The following RLF variants were observed in gnomAD, a reference collection of about 807,000 sequenced individuals.
RLF encodes RLF zinc finger.
Under a neutral mutation model 162.9 loss-of-function variants are expected in RLF, and 7 were observed. The ratio of observed to expected loss-of-function variants is 0.04; its 90% CI spans 0.02 to 0.08. RLF has a LOEUF of 0.08. Ranked by LOEUF, RLF falls within the 10% of genes least tolerant of loss-of-function variation. RLF has a pLI of 1.00. For synonymous variants in RLF, 782 were observed against 791.5 expected (o/e 0.99, Z 0.20); for missense variants, 1,664 against 2,244.7 (o/e 0.74, Z 5.23).
At chr1:40,165,464 C>G (rs189836791) in intron 1 of RLF, among the ~76,000 whole-genome samples, 431 of 152,276 alleles carry the variant, frequency 2.8e-3, no homozygotes, top group African/African-American at 0.01. Context: ...GTGTGGTTCT[C>G]TCATTTTCTG....
Position 40,232,006 on chromosome 1 carries a change from G to A in RLF, c.1089+348G>A, listed in dbSNP as rs559440592. ...GTGGATTACTTGAGCTCAGGAGTTCGAGACCAGCCTGGCCAACCTGGTGAA... is the reference window on the plus strand; with the variant it reads ...GTGGATTACTTGAGCTCAGGAGTTCAAGACCAGCCTGGCCAACCTGGTGAA... On this transcript the variant is annotated intron_variant, in intron 7 of 7. Transcript: ENST00000372771. Among the ~76,000 whole-genome samples, 10 of 152,148 alleles carry A rather than the reference G, an allele frequency of 6.6e-5. No homozygotes were observed. In the South Asian group the frequency reaches 1.2e-3, roughly 19 times the overall value.
chr1:40,178,719 G>A (rs1230868994), intron 1 of RLF, among the ~76,000 whole-genome samples: 2 of 136,852 alleles, frequency 1.5e-5, no homozygotes, highest in Admixed American at 1.6e-4. Flanking sequence ...ATGAGGGCTT[G>A]ATATAGTTAG....
At chr1:40,184,941 A>C (rs1192143871) in intron 1 of RLF, among the ~76,000 whole-genome samples, 1 of 152,090 alleles carries the variant, frequency 6.6e-6, no homozygotes, top group East Asian at 1.9e-4. Context: ...TCCTAAAGAA[A>C]AATAAGAGAC....
chr1:40,193,127 CAAA>C (rs76035508), intron 3 of RLF, among the ~76,000 whole-genome samples: 7 of 65,158 alleles, frequency 1.1e-4, no homozygotes, highest in South Asian at 7.9e-4. Context: ...GTGGTCTTAG[CAAA>C]AAAAAAAAAA....
intron 4 of RLF, among the ~76,000 whole-genome samples, chr1:40,199,157 T>C (rs1390806947): frequency 1.3e-5 from 2 of 152,166 alleles, no homozygotes; most frequent in Non-Finnish European, 2.9e-5. Flanking sequence ...GAGGCAGAAT[T>C]TGAGCCCAGG....
At chr1:40,170,217 T>C (rs559897823) in intron 1 of RLF, among the ~76,000 whole-genome samples, 1 of 152,162 alleles carries the variant, frequency 6.6e-6, no homozygotes, top group East Asian at 1.9e-4. Flanking sequence ...TTTAATTATT[T>C]AGTTTTAGCC....
chr1:40,225,699 AC>A (rs768606994), intron 6 of RLF, among the ~76,000 whole-genome samples: 32 of 151,724 alleles, frequency 2.1e-4, no homozygotes, highest in Non-Finnish European at 4.1e-4. Context: ...ACACAGTGAA[AC>A]CCTGTCTCTA....
intron 5 of RLF, among the ~76,000 whole-genome samples, chr1:40,205,135 A>G (rs576098350): frequency 7.0e-4 from 106 of 152,202 alleles, no homozygotes; most frequent in African/African-American, 2.4e-3. Context: ...CATTTATGCT[A>G]TTATTTATTC....
intron 1 of RLF, among the ~76,000 whole-genome samples, chr1:40,177,604 C>T (rs961040137): frequency 6.6e-6 from 1 of 151,960 alleles, no homozygotes; most frequent in African/African-American, 2.4e-5. Context: ...CAGTGTATTT[C>T]TAAGAACGTA....
intron 6 of RLF, among the ~76,000 whole-genome samples, chr1:40,229,842 C>T (rs568626890): frequency 3.1e-4 from 47 of 152,094 alleles, no homozygotes; most frequent in African/African-American, 7.7e-4. Flanking sequence ...ATGCCGGGCA[C>T]GGTGGCTCAT....
intron 4 of RLF, among the ~76,000 whole-genome samples, chr1:40,201,841 AAC>A (rs1642723580): frequency 6.6e-6 from 1 of 152,102 alleles, no homozygotes; most frequent in African/African-American, 2.4e-5. Context: ...CAGTTTAGGA[AAC>A]ATTGGGTTTT....
rs1253797329 is a variant in RLF, at chr1:40,239,492, A to G, written c.4790A>G (p.Lys1597Arg). The G allele has an allele frequency of 1.9e-6, 3 of 1,613,902 alleles. No homozygotes were observed. The highest frequency in any genetic ancestry group is 1.7e-5 in the Admixed American group (1 of 59,998). ...GTTGTTTGCGTTAAGTACGGTACCAAAATTAAGGAGGAACCCCCTTCTGAA... is the reference window on the plus strand; with the variant it reads ...GTTGTTTGCGTTAAGTACGGTACCAGAATTAAGGAGGAACCCCCTTCTGAA... ...NLVVCVKYGT[K>R]IKEEPPSEAD... The change falls in exon 8 of 8, where the codon AAA becomes AGA. Residue 1597 changes from lysine to arginine, a missense_variant. Transcript: ENST00000372771.
In RLF at chr1:40,237,566, C is replaced by T. The variant is rs1643232795; in HGVS notation, c.2864C>T (p.Thr955Ile). The T allele has an allele frequency of 6.2e-7, 1 of 1,614,044 alleles. No homozygotes were observed. Among genetic ancestry groups the T allele is most frequent in the South Asian group, 1.1e-5 (1 of 91,082 alleles). ...MAVCFDGTKFTCGFDGCGSTY... is the reference protein window; with the variant it reads ...MAVCFDGTKFICGFDGCGSTY... ...GTTTGTTTTGACGGGACTAAGTTTA[C>T]CTGTGGTTTTGATGGCTGTGGTTCC... The change falls in exon 8 of 8, where the codon ACC becomes ATC. Residue 955 changes from threonine (T) to isoleucine (I), a missense_variant. Physicochemically the swap from Thr to Ile is moderately conservative, Grantham distance 89. Coordinates refer to ENST00000372771, the MANE Select transcript of RLF (RefSeq NM_012421.4). The surrounding 1 kb of genome is among the most constrained non-coding windows in gnomAD (Gnocchi z 4.4).
rs1373193594 is a variant in RLF at position 40,228,186 on chromosome 1, T to C, written c.948-3331T>C. Among the ~76,000 whole-genome samples the C allele has an allele frequency of 2.6e-5, 4 of 151,524 alleles. No individual in the cohort carries two copies. The East Asian group carries it at 5.8e-4, about 22-fold the overall frequency. ...TGTAGTCCCCAGCTACTCAGGAGGCTGAGGCAGGAGAATTGCTTGAACTTG... is the reference window on the plus strand; with the variant it reads ...TGTAGTCCCCAGCTACTCAGGAGGCCGAGGCAGGAGAATTGCTTGAACTTG... On this transcript the variant is annotated intron_variant, in intron 6 of 7. Transcript: ENST00000372771.
At chr1:40,228,911 C>T (rs983896481) in intron 6 of RLF, among the ~76,000 whole-genome samples, 7 of 152,136 alleles carry the variant, frequency 4.6e-5, no homozygotes, top group Non-Finnish European at 8.8e-5. Flanking sequence ...CTGCCCGCCC[C>T]CCGCTGCCTC....
chr1:40,221,958 T>C (rs1431554730), intron 5 of RLF, among the ~76,000 whole-genome samples: 2 of 151,244 alleles, frequency 1.3e-5, no homozygotes, highest in Non-Finnish European at 1.5e-5. Context: ...GATTGATTTG[T>C]CCAGAGGATT....
rs71577617 is a variant in RLF at position 40,225,878 on chromosome 1, C to CAAAAAAAAAA, written c.947+3185_947+3194dup. Among the ~76,000 whole-genome samples the CAAAAAAAAAA allele has an allele frequency of 1.4e-4, 2 of 14,806 alleles. 1 individual carries two copies. Among genetic ancestry groups the CAAAAAAAAAA allele is most frequent in the African/African-American group, 4.7e-4 (2 of 4,220 alleles). The allele number at this position is 14,806 out of a possible 152,430, so 9.7% of individuals were successfully genotyped here. A position where few individuals can be genotyped will look rare whatever the true frequency, so the allele number is the denominator to read the frequency against. ...TGGGTGACAGAGCGAGACTCCGTCG[C>CAAAAAAAAAA]AAAAAAAAAAAAAAAAAAAAAAAAA... On this transcript the variant is annotated intron_variant, in intron 6 of 7. Transcript: ENST00000372771.
chr1:40,170,010 G>A lies in RLF; in HGVS notation c.237+8374G>A, dbSNP rs1642220435. Among the ~76,000 whole-genome samples, 4 of 152,062 alleles carry A rather than the reference G, an allele frequency of 2.6e-5. No individual in the cohort carries two copies. In the South Asian group the frequency reaches 8.3e-4, roughly 32 times the overall value. On this transcript the variant is annotated intron_variant, in intron 1 of 7. Transcript: ENST00000372771. ...TGGCCATGGGATAAACATTTTAAAT[G>A]TTAAAATACGTTGTGAATTTCCAAG...
At chr1:40,235,729 G>C (rs562456117) in intron 7 of RLF, 63 bp from the exon 8 acceptor site, 2 of 1,206,434 alleles carry the variant, frequency 1.7e-6, no homozygotes, top group East Asian at 5.2e-5. Context: ...TTCCTTATCA[G>C]TGAAAGTTAT....
Sources: allele counts gnomAD v4.1 joint callset (sites outside exome capture counted in the v4.1 genomes callset), GRCh38; gene constraint gnomAD v4.1.1; non-coding constraint Gnocchi (gnomAD v3.1); transcripts MANE v1.5; gene names NCBI Gene and HGNC (gene_info 2026-07-23, HGNC 2026-07-21).